The following SNAP25 variants were observed in gnomAD, a reference collection of about 807,000 sequenced individuals.
The protein encoded by SNAP25 is synaptosomal-associated protein 25.
SNAP25 carries 3 observed loss-of-function variants against 28.7 expected under a neutral mutation model. That is an observed-to-expected ratio of 0.10 (90% confidence interval 0.05 to 0.27). The LOEUF (loss-of-function observed/expected upper bound fraction) is 0.27, where lower values mean the gene tolerates loss of function less well. Among genes scored for constraint, SNAP25 ranks in the 10% least tolerant of loss-of-function variants. The probability of loss-of-function intolerance (pLI) is 1.00; values close to 1 mark genes in which losing one functional copy is unlikely to be tolerated. For missense variants in SNAP25, 117 were observed against 278.7 expected, an observed-to-expected ratio of 0.42 and a Z score of 4.13; for synonymous variants, 61 against 88.1, an observed-to-expected ratio of 0.69 and a Z score of 1.72.
At chr20:10,250,476 G>T (rs2063206376) in intron 1 of SNAP25, among the ~76,000 whole-genome samples, 1 of 152,058 alleles carries the variant, frequency 6.6e-6, no homozygotes, top group African/African-American at 2.4e-5. Context: ...GATCACAAGT[G>T]GTCTCCAAGT....
At chr20:10,266,792 G>A (rs1000942566) in intron 1 of SNAP25, among the ~76,000 whole-genome samples, 16 of 152,130 alleles carry the variant, frequency 1.1e-4, no homozygotes, top group African/African-American at 3.9e-4. Flanking sequence ...TGAAATAGAA[G>A]AAATTGATGG....
chr20:10,268,458 G>A (rs1180583889), intron 1 of SNAP25, among the ~76,000 whole-genome samples: 4 of 152,242 alleles, frequency 2.6e-5, no homozygotes, highest in Admixed American at 1.3e-4. Context: ...TTAGATCAGG[G>A]TACACTTTCC....
chr20:10,304,721 T>A (rs1568633475), intron 7 of SNAP25, among the ~76,000 whole-genome samples: 1 of 152,234 alleles, frequency 6.6e-6, no homozygotes, highest in Non-Finnish European at 1.5e-5. Flanking sequence ...CTGGTGGCAC[T>A]TTGTATGGGT....
chr20:10,276,854 G>C (rs1329169776), intron 2 of SNAP25, among the ~76,000 whole-genome samples: 2 of 152,140 alleles, frequency 1.3e-5, no homozygotes, highest in African/African-American at 2.4e-5. Flanking sequence ...TTTTCCCAGA[G>C]AGCCGGTAGT....
chr20:10,280,365 T>C (rs958308206), intron 3 of SNAP25, among the ~76,000 whole-genome samples: 1 of 152,224 alleles, frequency 6.6e-6, no homozygotes, highest in East Asian at 1.9e-4. Flanking sequence ...TTAGAAATCA[T>C]GTAGCACTTG....
intron 3 of SNAP25, among the ~76,000 whole-genome samples, chr20:10,280,410 G>C (rs1190103993): frequency 6.6e-6 from 1 of 152,182 alleles, no homozygotes; most frequent in Non-Finnish European, 1.5e-5. Flanking sequence ...CTCTTTTGGT[G>C]AATGCATTTC....
chr20:10,252,517 G>T (rs1324396689), intron 1 of SNAP25, among the ~76,000 whole-genome samples: 4 of 152,088 alleles, frequency 2.6e-5, no homozygotes, highest in Non-Finnish European at 5.9e-5. Flanking sequence ...AAAAACTTTT[G>T]ACGGTGATTG....
rs78655144 is a variant in SNAP25 at position 10,283,411 on chromosome 20, A to G, written c.115-1313A>G. 9.3e-3 allele frequency among the ~76,000 whole-genome samples: 1,418 copies of G among 152,262 alleles called. 13 individuals carry two copies. The highest frequency in any genetic ancestry group is 0.028 in the African/African-American group (1,173 of 41,544). On this transcript the variant is annotated intron_variant, in intron 3 of 7. Transcript: ENST00000254976. ...GTCTGTCTCCACAGTCTGCGCTGTC[A>G]AGGACTCCTGAGGCCACCCTGGGCC... is the stretch of plus-strand genomic sequence containing the variant.
chr20:10,224,192 A>G (rs1351736755), intron 1 of SNAP25, among the ~76,000 whole-genome samples: 2 of 132,478 alleles, frequency 1.5e-5, no homozygotes, highest in African/African-American at 5.8e-5. Context: ...AGTGTATTTT[A>G]TGCTACCTCT....
At chr20:10,230,182 G>A (rs1210135476) in intron 1 of SNAP25, among the ~76,000 whole-genome samples, 1 of 152,114 alleles carries the variant, frequency 6.6e-6, no homozygotes, top group Non-Finnish European at 1.5e-5. Flanking sequence ...AAAAAGCCAA[G>A]GAGGAGAACT....
chr20:10,293,194 A>G lies in SNAP25; in HGVS notation c.197A>G (p.Gln66Arg), dbSNP rs2064035939. ...GAACGCATTGAGGAAGGGATGGACCAAATCAATAAGGACATGAAAGAAGCA... is the reference window on the plus strand; with the variant it reads ...GAACGCATTGAGGAAGGGATGGACCGAATCAATAAGGACATGAAAGAAGCA... The part of the protein sequence containing the change: ...QLERIEEGMD[Q>R]INKDMKEAEK... Residue 66 changes from glutamine (Q) to arginine (R), a missense_variant, in exon 5 of 8, where the codon CAA (glutamine) becomes CGA (arginine). Gln to Arg is a conservative substitution (Grantham distance 43). This residue lies in a region of SNAP25 where 88 missense variants were observed against 206.9 expected (regional missense o/e 0.43). Transcript: ENST00000254976. The surrounding 1 kb of genome is among the most constrained non-coding windows in gnomAD (Gnocchi z 5.6). The G allele has an allele frequency of 1.2e-6, 2 of 1,614,028 alleles. No homozygotes were observed. The highest frequency in any genetic ancestry group is 1.1e-5 in the South Asian group (1 of 91,088).
chr20:10,289,597 T>C (rs1199729154), intron 4 of SNAP25, among the ~76,000 whole-genome samples: 1 of 151,624 alleles, frequency 6.6e-6, no homozygotes, highest in Non-Finnish European at 1.5e-5. Flanking sequence ...TACTTAGTCA[T>C]GATAGCCACA....
chr20:10,222,497 A>T (rs2062652676), intron 1 of SNAP25, among the ~76,000 whole-genome samples: 1 of 152,142 alleles, frequency 6.6e-6, no homozygotes. Flanking sequence ...AACCCTGAAA[A>T]TGCCCATTGA....
At chr20:10,243,068 C>T (rs191002380) in intron 1 of SNAP25, among the ~76,000 whole-genome samples, 70 of 152,308 alleles carry the variant, frequency 4.6e-4, no homozygotes, top group Admixed American at 1.1e-3. Flanking sequence ...GGGGCACTGG[C>T]TTTACCGTTC....
At chr20:10,254,023 G>A (rs768177543) in intron 1 of SNAP25, among the ~76,000 whole-genome samples, 14 of 152,306 alleles carry the variant, frequency 9.2e-5, no homozygotes, top group Non-Finnish European at 1.9e-4. Flanking sequence ...TCCTAGTTCT[G>A]GGGCATTGCT....
rs984588998 is a variant in SNAP25, at chr20:10,252,456, A to G, written c.-63-22973A>G. Among the ~76,000 whole-genome samples, 6 of 152,366 alleles carry G rather than the reference A, an allele frequency of 3.9e-5. No homozygotes were observed. In the East Asian group the frequency reaches 9.6e-4, roughly 24 times the overall value. ...ATGAAAGTCATGTGCTCAATCTTGT[A>G]TAAAGTAACATGTAACTTGTCAGTC... On this transcript the variant is annotated intron_variant, in intron 1 of 7. Transcript: ENST00000254976.
intron 1 of SNAP25, chr20:10,219,617 C>G (rs1469188895): frequency 6.6e-6 from 1 of 152,158 alleles, no homozygotes; most frequent in African/African-American, 2.4e-5. Context: ...TGCGGCGGCC[C>G]GCGCTCAGCA....
chr20:10,230,686 C>A (rs1368268530), intron 1 of SNAP25, among the ~76,000 whole-genome samples: 1 of 152,172 alleles, frequency 6.6e-6, no homozygotes, highest in Non-Finnish European at 1.5e-5. Context: ...CAAACCTTCA[C>A]ATCTGTCTCA....
intron 1 of SNAP25, among the ~76,000 whole-genome samples, chr20:10,259,868 G>C (rs1436944131): frequency 6.6e-6 from 1 of 152,192 alleles, no homozygotes; most frequent in East Asian, 1.9e-4. Flanking sequence ...ACCTGGGTTT[G>C]TGTCATCAAC....
Sources: allele counts gnomAD v4.1 joint callset (sites outside exome capture counted in the v4.1 genomes callset), GRCh38; gene constraint gnomAD v4.1.1; regional missense constraint gnomAD v4.1.1; non-coding constraint Gnocchi (gnomAD v3.1); transcripts MANE v1.5; gene names NCBI Gene and HGNC (gene_info 2026-07-23, HGNC 2026-07-21).